The following RELT variants were observed in gnomAD, a reference collection of about 807,000 sequenced individuals.
The protein encoded by RELT is tumor necrosis factor receptor superfamily member 19L.
RELT carries 37 observed loss-of-function variants against 51.1 expected under a neutral mutation model. The observed-to-expected ratio is 0.72, with a 90% CI of 0.56 to 0.95. The LOEUF is 0.95. RELT is among the 40% of genes least tolerant of loss of function. The pLI, the probability that RELT is intolerant of heterozygous loss-of-function variation, is 0.00. For synonymous variants in RELT, 241 were observed against 235.7 expected (o/e 1.02, Z -0.21); for missense variants, 535 against 572.6 (o/e 0.93, Z 0.67).
intron 1 of RELT, among the ~76,000 whole-genome samples, chr11:73,377,689 G>A (rs1199389022): frequency 8.5e-6 from 1 of 117,802 alleles, no homozygotes; most frequent in Admixed American, 8.3e-5. Flanking sequence ...AGACCCCCCC[G>A]CCCCCCTCCC....
In RELT at chr11:73,394,376, G is replaced by A. The variant is rs1735730310; in HGVS notation, c.788+59G>A. ...ACCTACATTAACCAGCCTGCCTCCT[G>A]GGGATCTCCCACTTGGGTCTCCCTC... On this transcript the variant is annotated intron_variant, in intron 8 of 10. Coordinates refer to ENST00000064780, the MANE Select transcript of RELT (RefSeq NM_152222.2). This position sits in a 1 kb window ranked among gnomAD's most constrained non-coding sequence, Gnocchi z 4.9. 1 of 1,609,606 alleles carries A rather than the reference G, an allele frequency of 6.2e-7. No individual in the cohort carries two copies. Among genetic ancestry groups the A allele is most frequent in the African/African-American group, 1.3e-5 (1 of 74,826 alleles).
intron 10 of RELT, 25 bp from the exon 11 acceptor site, chr11:73,395,419 C>T (rs1278800483): frequency 9.8e-7 from 1 of 1,022,058 alleles, no homozygotes; most frequent in Non-Finnish European, 1.6e-6. Context: ...TGACTCAGCT[C>T]TGACCCCTCA....
chr11:73,383,710 G>C (rs1244578311), intron 1 of RELT, among the ~76,000 whole-genome samples: 1 of 152,186 alleles, frequency 6.6e-6, no homozygotes, highest in African/African-American at 2.4e-5. Context: ...GACCTCCCCT[G>C]ACCTCAGTTT....
intron 2 of RELT, among the ~76,000 whole-genome samples, chr11:73,389,804 G>A (rs1866181966): frequency 6.6e-6 from 1 of 152,210 alleles, no homozygotes; most frequent in African/African-American, 2.4e-5. Context: ...GCCGCTCTGG[G>A]GTCTGAGGAG....
intron 6 of RELT, chr11:73,393,226 G>C: frequency 1.0e-6 from 1 of 1,001,150 alleles, no homozygotes; most frequent in Non-Finnish European, 1.2e-6. Flanking sequence ...AGGAGGAAAC[G>C]TGGTGACTCA....
At chr11:73,392,522 A>G (rs761024884) in intron 6 of RELT, 54 bp downstream of exon 6, 3 of 1,574,596 alleles carry the variant, frequency 1.9e-6, no homozygotes, top group Admixed American at 3.5e-5. Context: ...GCCCAGCCCC[A>G]GCTCCACTTG....
rs1378677847 is a variant in RELT, at chr11:73,394,469, C to A, written c.789-8C>A. On this transcript the variant is annotated splice_polypyrimidine_tract_variant and splice_region_variant and intron_variant, in intron 8 of 10. Coordinates refer to ENST00000064780, the MANE Select transcript of RELT (RefSeq NM_152222.2). The surrounding 1 kb of genome is among the most constrained non-coding windows in gnomAD (Gnocchi z 4.9). ...GCCTATGGCCACTTCTGCCTGTGCC[C>A]CCTGCAGGCTGCCGCCAGCGCCCCC... The A allele has an allele frequency of 2.5e-6, 4 of 1,610,096 alleles. No individual in the cohort carries two copies. The highest frequency in any genetic ancestry group is 3.4e-6 in the Non-Finnish European group (4 of 1,177,958).
chr11:73,395,000 A>G lies in RELT; in HGVS notation c.1047-87A>G. 7 of 1,227,684 alleles carry G rather than the reference A, an allele frequency of 5.7e-6. No individual in the cohort carries two copies. In the South Asian group the frequency reaches 9.0e-5, roughly 16 times the overall value. The allele number at this position is 1,227,684 out of a possible 1,614,324, so 76.0% of individuals were successfully genotyped here. On this transcript the variant is annotated intron_variant, in intron 9 of 10. Transcript: ENST00000064780. This position sits in a 1 kb window ranked among gnomAD's most constrained non-coding sequence, Gnocchi z 4.9. ...CTCAGGCTAAGGCTCTGGTCCATGA[A>G]CTTGCTGTGTGACCCCGGGCACGTG...
chr11:73,388,233 C>G lies in RELT; in HGVS notation c.-25-879C>G, dbSNP rs936816488. 6.6e-5 allele frequency among the ~76,000 whole-genome samples: 10 copies of G among 152,228 alleles called. No homozygotes were observed. Among genetic ancestry groups the G allele is most frequent in the South Asian group, 2.1e-4 (1 of 4,834 alleles). The stretch of plus-strand genomic sequence containing the variant: ...CACTTACCACCAAATGGCAGGGGCA[C>G]CTCTCTGTTTGCAGTTGGGTCTCCC... On this transcript the variant is annotated intron_variant, in intron 1 of 10. Coordinates refer to ENST00000064780, the MANE Select transcript of RELT (RefSeq NM_152222.2). This position sits in a 1 kb window ranked among gnomAD's most constrained non-coding sequence, Gnocchi z 4.1.
Position 73,395,270 on chromosome 11 carries a change from A to G in RELT, c.1230A>G (p.Ala410=), listed in dbSNP as rs996880812. Residue 410 remains alanine (A), a synonymous_variant, in exon 10 of 11, where the codon GCA becomes GCG. Coordinates refer to ENST00000064780, the MANE Select transcript of RELT (RefSeq NM_152222.2). ...GSRTKWLKPP[A]ENKAEENRYV... is the part of the protein sequence containing the mutation. ...GTACAAAGTGGCTGAAGCCCCCAGC[A>G]GAGAACAAGGCCGAGGTGAGAGTCA... 4 of 1,612,938 alleles carry G rather than the reference A, an allele frequency of 2.5e-6. No homozygotes were observed. In the Admixed American group the frequency reaches 6.7e-5, roughly 27 times the overall value.
intron 2 of RELT, 83 bp downstream of exon 2, chr11:73,389,264 C>T (rs1450622127): frequency 2.5e-5 from 24 of 966,448 alleles, no homozygotes; most frequent in African/African-American, 8.7e-5. Flanking sequence ...CAGACACTCC[C>T]GGGGAACCCC....
chr11:73,396,334 G>A lies in RELT; in HGVS notation c.*843G>A, dbSNP rs1866319317. The A allele has an allele frequency of 6.6e-6, 1 of 152,272 alleles. No individual in the cohort carries two copies. The highest frequency in any genetic ancestry group is 1.5e-5 in the Non-Finnish European group (1 of 68,044). The allele number at this position is 152,272 out of a possible 1,614,324, so 9.4% of individuals were successfully genotyped here. On this transcript the variant is annotated 3_prime_UTR_variant, in exon 11 of 11. Coordinates refer to ENST00000064780, the MANE Select transcript of RELT (RefSeq NM_152222.2). ...GGCAGGACTGTGATACAGAGCCCTA[G>A]CCTGCCCAGCCAGCCCCAAGATCTC...
At chr11:73,387,494 A>C (rs1338730486) in intron 1 of RELT, among the ~76,000 whole-genome samples, 1 of 152,212 alleles carries the variant, frequency 6.6e-6, no homozygotes. Flanking sequence ...CTCCCCAAAT[A>C]GCCTGGGGGT....
intron 6 of RELT, chr11:73,393,353 C>T (rs1000559906): frequency 8.9e-6 from 10 of 1,128,892 alleles, no homozygotes; most frequent in East Asian, 6.4e-5. Flanking sequence ...GGCTGATCAT[C>T]GTGGCCCATT....
At chr11:73,393,792 C>G in intron 6 of RELT, 45 bp from the exon 7 acceptor site, 1 of 1,588,046 alleles carries the variant, frequency 6.3e-7, no homozygotes, top group Non-Finnish European at 8.6e-7. Context: ...CTCAGGAGTG[C>G]GGCTTCCCCC....
Position 73,394,681 on chromosome 11 carries a change from G to A in RELT, c.993G>A (p.Lys331=). 1 of 1,613,520 alleles carries A rather than the reference G, an allele frequency of 6.2e-7. No homozygotes were observed. The highest frequency in any genetic ancestry group is 8.5e-7 in the Non-Finnish European group (1 of 1,180,006). ...TGCCTAACCCGACCAGGGTTCCCAAGGCCGGGGCCAAGGCAGGGCGTCAGG... is the reference window on the plus strand; with the variant it reads ...TGCCTAACCCGACCAGGGTTCCCAAAGCCGGGGCCAAGGCAGGGCGTCAGG... The part of the protein sequence containing the change: ...SLLPNPTRVP[K]AGAKAGRQGE... Residue 331 remains lysine, a synonymous_variant, in exon 9 of 11, where the codon AAG becomes AAA. Transcript: ENST00000064780. This position sits in a 1 kb window ranked among gnomAD's most constrained non-coding sequence, Gnocchi z 4.9.
rs1372111894 is a variant in RELT at position 73,392,480 on chromosome 11, C to T, written c.625+12C>T. Reference sequence around the variant, plus strand: ...AGGTGGAGGCAGTGGTGAGGCCCAGCTGGGGTCCAGGTGGGAAGGACGGGG... The same window carrying T: ...AGGTGGAGGCAGTGGTGAGGCCCAGTTGGGGTCCAGGTGGGAAGGACGGGG... On this transcript the variant is annotated intron_variant, in intron 6 of 10. Transcript: ENST00000064780. 6.2e-7 allele frequency: 1 copy of T among 1,608,570 alleles called. No homozygotes were observed. Among genetic ancestry groups the T allele is most frequent in the East Asian group, 2.2e-5 (1 of 44,794 alleles).
At chr11:73,392,630 G>A (rs1418138162) in intron 6 of RELT, 162 bp downstream of exon 6, 7 of 1,406,968 alleles carry the variant, frequency 5.0e-6, no homozygotes, top group African/African-American at 1.4e-5. Context: ...GAAAGGTAAG[G>A]GGACGAAGGT....
chr11:73,394,326 G>GC lies in RELT; in HGVS notation c.788+10dup, dbSNP rs761441481. On this transcript the variant is annotated intron_variant, in intron 8 of 10. Coordinates refer to ENST00000064780, the MANE Select transcript of RELT (RefSeq NM_152222.2). This position sits in a 1 kb window ranked among gnomAD's most constrained non-coding sequence, Gnocchi z 4.9. Reference sequence around the variant, plus strand: ...CACAGGCCTGTGTCCAAGTGAGTGGGCTGGTGGGAGATAACGGGGCCAAAA... The same window carrying GC: ...CACAGGCCTGTGTCCAAGTGAGTGGGCCTGGTGGGAGATAACGGGGCCAAAA... The GC allele has an allele frequency of 3.7e-6, 6 of 1,612,850 alleles. No homozygotes were observed. Among genetic ancestry groups the GC allele is most frequent in the Middle Eastern group, 1.9e-4 (1 of 5,388 alleles).
Sources: gnomAD v4.1 joint callset for allele counts (sites outside exome capture counted in the v4.1 genomes callset) on GRCh38, gnomAD v4.1.1 for gene constraint, Gnocchi (gnomAD v3.1) non-coding constraint, MANE v1.5 for transcripts, NCBI Gene and HGNC (gene_info 2026-07-23, HGNC 2026-07-21) for gene names.